TMEM47: variants seen among roughly 807,000 people sequenced by gnomAD.
TMEM47 encodes brain cell membrane protein 1.
In TMEM47, 3 loss-of-function variants were observed where a neutral mutation model predicts 12.4. The observed-to-expected ratio is 0.24, with a 90% CI of 0.11 to 0.63. The LOEUF is 0.63. Ranked by LOEUF, TMEM47 falls within the 20% of genes least tolerant of loss-of-function variation. TMEM47 has a pLI of 0.86. For synonymous variants in TMEM47, 62 were observed against 63.3 expected, an observed-to-expected ratio of 0.98 and a Z score of 0.10; for missense variants, 89 against 143.8, an observed-to-expected ratio of 0.62 and a Z score of 1.95.
At chrX:34,654,958 AC>A (rs1303619913) in intron 1 of TMEM47, among the ~76,000 whole-genome samples, 2 of 111,897 alleles carry the variant, frequency 1.8e-5, no homozygotes, top group African/African-American at 6.5e-5. Context: ...GAGTGCTATT[AC>A]CGCTATATTT....
At position 34,657,176 on chromosome X, in the gene TMEM47, G is replaced by T. The variant is rs1468710583; in HGVS notation, c.-147C>A. 2.1e-6 allele frequency: 2 copies of T among 934,653 alleles called. No homozygotes were observed. The highest frequency in any genetic ancestry group is 2.7e-6 in the Non-Finnish European group (2 of 742,098). 77.0% of individuals were successfully genotyped at this position (934,653 alleles called of 1,213,427 possible). ...CTCGGGGCTCTGCGCGCCCCCTGCC[G>T]CGCGGCCAAGGTGGGTCTGCGGAGG... On this transcript the variant is annotated 5_prime_UTR_variant, in exon 1 of 3. Transcript: ENST00000275954.
At chrX:34,652,988 C>T (rs757429404) in intron 1 of TMEM47, among the ~76,000 whole-genome samples, 52 of 111,847 alleles carry the variant, frequency 4.6e-4, no homozygotes, top group Admixed American at 3.8e-4. Context: ...ACTGTGTTTT[C>T]GAATTAAGGA....
intron 2 of TMEM47, 64 bp from the exon 3 acceptor site, chrX:34,630,555 G>A (rs1381507656): frequency 9.8e-7 from 1 of 1,019,139 alleles, no homozygotes. Context: ...ATATAAATAT[G>A]TAACTATATA....
chrX:34,654,375 G>C (rs1922068689), intron 1 of TMEM47, among the ~76,000 whole-genome samples: 1 of 111,668 alleles, frequency 9.0e-6, no homozygotes, highest in Non-Finnish European at 1.9e-5. Context: ...TCCTCCCAAG[G>C]TAATTTATTT....
intron 1 of TMEM47, among the ~76,000 whole-genome samples, chrX:34,642,736 A>C (rs979466560): frequency 1.1e-4 from 12 of 112,199 alleles, no homozygotes; most frequent in African/African-American, 3.9e-4. Context: ...GCTCAAACAG[A>C]AAAGCTATTT....
intron 2 of TMEM47, among the ~76,000 whole-genome samples, chrX:34,637,112 C>T (rs1921730859): frequency 9.0e-6 from 1 of 111,553 alleles, no homozygotes; most frequent in Non-Finnish European, 1.9e-5. Context: ...AAGTGTCTAG[C>T]ACGTGGCACA....
Position 34,630,122 on chromosome X carries a change from T to C in TMEM47, c.*191A>G, listed in dbSNP as rs1344609291. ...CCTATGTCTAATCAGCTCTCTTAATTTGTGCAGATTTCTAAAATGGATGTA... is the reference window on the plus strand; with the variant it reads ...CCTATGTCTAATCAGCTCTCTTAATCTGTGCAGATTTCTAAAATGGATGTA... On this transcript the variant is annotated 3_prime_UTR_variant, in exon 3 of 3. Coordinates refer to ENST00000275954, the MANE Select transcript of TMEM47 (RefSeq NM_031442.4). The C allele has an allele frequency of 1.1e-5, 4 of 380,024 alleles. No homozygotes were observed. Among genetic ancestry groups the C allele is most frequent in the Non-Finnish European group, 1.8e-5 (4 of 219,342 alleles). The allele number at this position is 380,024 out of a possible 1,213,427, so 31.3% of individuals were successfully genotyped here.
intron 2 of TMEM47, 88 bp from the exon 3 acceptor site, chrX:34,630,579 C>T: frequency 1.1e-6 from 1 of 902,835 alleles, no homozygotes. Flanking sequence ...ATGAGAGTAA[C>T]TTTGTAATCA....
Position 34,643,570 on chromosome X carries a change from A to G in TMEM47, c.227-4183T>C, listed in dbSNP as rs138426630. On this transcript the variant is annotated intron_variant, in intron 1 of 2. Coordinates refer to ENST00000275954, the MANE Select transcript of TMEM47 (RefSeq NM_031442.4). Reference sequence around the variant, plus strand: ...TTTCTATATCAATTTTAGTTGTCCAATTATAGCCTTCACAGTATTTAGTCA... The same window carrying G: ...TTTCTATATCAATTTTAGTTGTCCAGTTATAGCCTTCACAGTATTTAGTCA... Among the ~76,000 whole-genome samples the G allele has an allele frequency of 2.2e-3, 247 of 112,188 alleles. 2 individuals are homozygous for G. The highest frequency in any genetic ancestry group is 7.7e-3 in the African/African-American group (237 of 30,927).
chrX:34,639,982 T>C (rs72626890), intron 1 of TMEM47, among the ~76,000 whole-genome samples: 3,808 of 111,650 alleles, frequency 0.034, 144 homozygotes, highest in African/African-American at 0.11. Flanking sequence ...CCATGCTGCA[T>C]GTGACAGTAG....
intron 1 of TMEM47, 118 bp from the exon 2 acceptor site, chrX:34,639,505 C>T: frequency 1.4e-6 from 1 of 733,138 alleles, no homozygotes; most frequent in Non-Finnish European, 2.0e-6. Flanking sequence ...GCATGCTAAG[C>T]ATCCTTTGGG....
chrX:34,635,921 A>C (rs959254361), intron 2 of TMEM47, among the ~76,000 whole-genome samples: 8 of 111,842 alleles, frequency 7.2e-5, no homozygotes, highest in African/African-American at 2.6e-4. Flanking sequence ...TTGACATAAA[A>C]GAAACAATGA....
chrX:34,634,528 C>T (rs2147137556), intron 2 of TMEM47, among the ~76,000 whole-genome samples: 1 of 112,243 alleles, frequency 8.9e-6, no homozygotes, highest in Non-Finnish European at 1.9e-5. Flanking sequence ...TGGCCCTCGC[C>T]CTTTGATGAT....
intron 1 of TMEM47, among the ~76,000 whole-genome samples, chrX:34,655,964 T>TGGAG (rs1922100209): frequency 9.0e-6 from 1 of 111,591 alleles, no homozygotes; most frequent in Non-Finnish European, 1.9e-5. Context: ...GGAAGGCAAC[T>TGGAG]GGAGGGTCAG....
Position 34,630,538 on chromosome X carries a change from TA to T in TMEM47, c.368-48del, listed in dbSNP as rs1921597294. ...ATTAGAAAATGTTATTTGCAGCAAA[TA>T]AAATAATATAAATATGTAACTATAT... On this transcript the variant is annotated intron_variant, in intron 2 of 2. Coordinates refer to ENST00000275954, the MANE Select transcript of TMEM47 (RefSeq NM_031442.4). The T allele has an allele frequency of 2.8e-6, 3 of 1,078,680 alleles. No individual in the cohort carries two copies. In the East Asian group the frequency reaches 9.5e-5, roughly 34 times the overall value. The allele number at this position is 1,078,680 out of a possible 1,213,427, so 88.9% of individuals were successfully genotyped here. A position where few individuals can be genotyped will look rare whatever the true frequency, so the allele number is the denominator to read the frequency against.
At chrX:34,631,701 G>A (rs751411578) in intron 2 of TMEM47, among the ~76,000 whole-genome samples, 2 of 111,436 alleles carry the variant, frequency 1.8e-5, no homozygotes. Flanking sequence ...AAATAATCAG[G>A]AAGGGAATGT....
intron 1 of TMEM47, among the ~76,000 whole-genome samples, chrX:34,654,280 G>A (rs989174614): frequency 2.7e-5 from 3 of 112,041 alleles, no homozygotes; most frequent in Non-Finnish European, 3.8e-5. Flanking sequence ...CTTCACAGCA[G>A]TTTTAATTCT....
intron 1 of TMEM47, among the ~76,000 whole-genome samples, chrX:34,645,407 T>A (rs1921892933): frequency 8.9e-6 from 1 of 112,289 alleles, no homozygotes; most frequent in African/African-American, 3.2e-5. Flanking sequence ...TGAGTTTGGA[T>A]AGGAAGCCTG....
chrX:34,642,251 T>C (rs758806128), intron 1 of TMEM47, among the ~76,000 whole-genome samples: 42 of 112,946 alleles, frequency 3.7e-4, no homozygotes, highest in African/African-American at 1.2e-3. Context: ...ATTTAGCATT[T>C]CAAATGTTGA....
Sources: gnomAD v4.1 joint callset for allele counts (sites outside exome capture counted in the v4.1 genomes callset) on GRCh38, gnomAD v4.1.1 for gene constraint, MANE v1.5 for transcripts, NCBI Gene and HGNC (gene_info 2026-07-23, HGNC 2026-07-21) for gene names.